Variants in CYFIP1 observed in about 807,000 individuals in gnomAD.
CYFIP1 encodes cytoplasmic FMR1 interacting protein 1.
CYFIP1 carries 58 observed loss-of-function variants against 163.5 expected under a neutral mutation model. That is an observed-to-expected ratio of 0.35 (90% CI 0.29 to 0.44). The LOEUF (loss-of-function observed/expected upper bound fraction) is 0.44, where lower values mean the gene tolerates loss of function less well. Ranked by LOEUF, CYFIP1 falls within the 20% of genes least tolerant of loss-of-function variation. The pLI is 1.00. For synonymous variants in CYFIP1, 663 were observed against 660.7 expected, an observed-to-expected ratio of 1.00 and a Z score of -0.05; for missense variants, 1,338 against 1,653.8, an observed-to-expected ratio of 0.81 and a Z score of 3.31.
intron 13 of CYFIP1, among the ~76,000 whole-genome samples, chr15:22,925,634 C>G (rs1421879035): frequency 1.3e-5 from 2 of 152,160 alleles, no homozygotes; most frequent in Non-Finnish European, 1.5e-5. Context: ...CATGGAAAGG[C>G]TCACGAGGGG....
intron 21 of CYFIP1, chr15:22,904,174 C>T (rs956936547): frequency 4.3e-5 from 23 of 533,694 alleles, no homozygotes; most frequent in East Asian, 2.9e-4. Flanking sequence ...GCAGCGTGCA[C>T]GTGTGGCCTG....
At chr15:22,934,473 C>T (rs1464684601) in intron 9 of CYFIP1, among the ~76,000 whole-genome samples, 9 of 142,744 alleles carry the variant, frequency 6.3e-5, no homozygotes, top group Non-Finnish European at 1.2e-4. Context: ...GCGTGAACCA[C>T]CGCACCCAGC....
intron 13 of CYFIP1, among the ~76,000 whole-genome samples, chr15:22,925,240 A>T (rs988394818): frequency 6.6e-6 from 1 of 152,138 alleles, no homozygotes; most frequent in East Asian, 1.9e-4. Context: ...TGAATATGAA[A>T]CTACAGTGGG....
chr15:22,923,217 C>T (rs2061246596), intron 13 of CYFIP1, among the ~76,000 whole-genome samples: 1 of 152,066 alleles, frequency 6.6e-6, no homozygotes, highest in Non-Finnish European at 1.5e-5. Flanking sequence ...AATCCTATGG[C>T]TGTAAGGAAC....
chr15:22,920,489 A>G (rs1369157523), intron 13 of CYFIP1, among the ~76,000 whole-genome samples: 6 of 152,126 alleles, frequency 3.9e-5, no homozygotes, highest in East Asian at 3.8e-4. Flanking sequence ...AGCCTGATTC[A>G]TGGGTAAATG....
At position 22,918,746 on chromosome 15, in the gene CYFIP1, G is replaced by A; in HGVS notation, c.1472C>T (p.Thr491Ile). The change falls in exon 14 of 31, where the codon ACC (threonine) becomes ATC (isoleucine). Residue 491 changes from threonine to isoleucine, a missense_variant. Thr to Ile is a moderately conservative substitution (Grantham distance 89, BLOSUM62 -1). This residue lies in a region of CYFIP1 where 824 missense variants were observed against 995.7 expected (regional missense o/e 0.83). Transcript: ENST00000617928. ...GGCCTGCCGCAGCGGCTCCCTAAGGGTCACCTGGGAGAAGTCCTGCAGTGC... is the reference window on the plus strand; with the variant it reads ...GGCCTGCCGCAGCGGCTCCCTAAGGATCACCTGGGAGAAGTCCTGCAGTGC... The part of the protein sequence containing the change: ...YAALQDFSQV[T>I]LREPLRQAIK... 1.2e-6 allele frequency: 2 copies of A among 1,613,388 alleles called. No individual in the cohort carries two copies. Among genetic ancestry groups the A allele is most frequent in the Non-Finnish European group, 1.7e-6 (2 of 1,179,800 alleles).
intron 16 of CYFIP1, chr15:22,915,223 T>TG (rs2060932105): frequency 5.2e-6 from 1 of 190,742 alleles, no homozygotes; most frequent in African/African-American, 2.3e-5. Context: ...CTTCAACTCC[T>TG]GGGCTCAAGC....
chr15:22,913,222 A>T (rs2060841708), intron 17 of CYFIP1, among the ~76,000 whole-genome samples: 1 of 150,026 alleles, frequency 6.7e-6, no homozygotes, highest in East Asian at 2.0e-4. Context: ...AAAAAGAATG[A>T]ACTGACTGGA....
rs1212982440 is a variant in CYFIP1 at position 22,867,248 on chromosome 15, G to GAGTT, written c.*2776_*2779dup. The GAGTT allele has an allele frequency of 2.5e-6, 1 of 403,708 alleles. No homozygotes were observed. The highest frequency in any genetic ancestry group is 4.4e-6 in the Non-Finnish European group (1 of 229,572). The allele number at this position is 403,708 out of a possible 1,614,324, so 25.0% of individuals were successfully genotyped here. A position where few individuals can be genotyped will look rare whatever the true frequency, so the allele number is the denominator to read the frequency against. On this transcript the variant is annotated 3_prime_UTR_variant, in exon 31 of 31. Coordinates refer to ENST00000617928, the MANE Select transcript of CYFIP1 (RefSeq NM_014608.6). ...AAGGCTTTTTTATTTTAAAAAAACA[G>GAGTT]AGTTATCCCAATACATTATCCTGTG... is the stretch of plus-strand genomic sequence containing the variant.
intron 1 of CYFIP1, among the ~76,000 whole-genome samples, chr15:22,947,755 G>A (rs2062109331): frequency 6.6e-6 from 1 of 152,186 alleles, no homozygotes; most frequent in African/African-American, 2.4e-5. Flanking sequence ...GGCCTGACAT[G>A]GAAAAGACGA....
In CYFIP1 at chr15:22,910,579, T is replaced by C; in HGVS notation, c.2209A>G (p.Thr737Ala). The change falls in exon 20 of 31, where the codon ACG (threonine) becomes GCG (alanine). Residue 737 changes from threonine to alanine, a missense_variant. Around this residue, in one of 4 missense-constraint regions of CYFIP1, gnomAD observed 824 missense variants for 995.7 expected, o/e 0.83. Transcript: ENST00000617928. ...LRSECKNQGA[T>A]IHLPPSNRYE... ...CGGTTAGACGGCGGGAGGTGGATCGTGGCTCCCTGATTCTTGCATTCTGAT... is the reference window on the plus strand; with the variant it reads ...CGGTTAGACGGCGGGAGGTGGATCGCGGCTCCCTGATTCTTGCATTCTGAT... 6.2e-7 allele frequency: 1 copy of C among 1,614,212 alleles called. No individual in the cohort carries two copies. The highest frequency in any genetic ancestry group is 1.3e-5 in the African/African-American group (1 of 75,066).
chr15:22,975,837 G>A (rs1490249583), intron 1 of CYFIP1, among the ~76,000 whole-genome samples: 1 of 152,148 alleles, frequency 6.6e-6, no homozygotes, highest in African/African-American at 2.4e-5. Context: ...CCAGCCAAAC[G>A]TATACTTAAA....
At chr15:22,895,454 A>G (rs1007401925) in intron 22 of CYFIP1, among the ~76,000 whole-genome samples, 16 of 152,246 alleles carry the variant, frequency 1.1e-4, no homozygotes, top group Admixed American at 9.2e-4. Flanking sequence ...CTCGGCCTCT[A>G]TATTTCTAAA....
chr15:22,920,242 G>A (rs1469879895), intron 13 of CYFIP1, among the ~76,000 whole-genome samples: 1 of 125,438 alleles, frequency 8.0e-6, no homozygotes, highest in Admixed American at 1.0e-4. Flanking sequence ...ATAGCTCACT[G>A]CAGCCTTGAA....
intron 1 of CYFIP1, among the ~76,000 whole-genome samples, chr15:22,957,730 G>C (rs557981930): frequency 6.6e-6 from 1 of 152,206 alleles, no homozygotes; most frequent in Non-Finnish European, 1.5e-5. Context: ...TTCTGCAAAC[G>C]TGCACAAGGC....
rs746705247 is a variant in CYFIP1 at position 22,875,211 on chromosome 15, C to A, written c.3103G>T (p.Val1035Phe). 2 of 1,614,026 alleles carry A rather than the reference C, an allele frequency of 1.2e-6. No individual in the cohort carries two copies. The highest frequency in any genetic ancestry group is 3.3e-5 in the Admixed American group (2 of 59,978). Residue 1035 changes from valine (V) to phenylalanine (F), a missense_variant, in exon 27 of 31, where the codon GTC becomes TTC. Transcript: ENST00000617928. ...AAPFQNILPR[V>F]HVKEGERLDA... ...TCAGCAGGCTCACCTTTCACATGGA[C>A]TCGCGGCAAGATGTTCTGGAAAGGA...
rs770353392 is a variant in CYFIP1, at chr15:22,939,183, C to T, written c.795+9G>A. On this transcript the variant is annotated intron_variant, in intron 8 of 30. Transcript: ENST00000617928. ...GCAGTGCCACGGGCTAGCGTCCCCA[C>T]ACACGTACTTTGAGAAGCATGTGTT... The T allele has an allele frequency of 6.2e-7, 1 of 1,614,060 alleles. No homozygotes were observed. Among genetic ancestry groups the T allele is most frequent in the African/African-American group, 1.3e-5 (1 of 74,938 alleles).
chr15:22,939,532 C>T, intron 6 of CYFIP1, 25 bp from the exon 7 acceptor site: 1 of 1,257,752 alleles, frequency 8.0e-7, no homozygotes, highest in African/African-American at 1.8e-5. Flanking sequence ...AGAATTCATC[C>T]CAAAATGCAC....
intron 1 of CYFIP1, chr15:22,951,367 T>G (rs1433920155): frequency 7.9e-7 from 1 of 1,260,382 alleles, no homozygotes; most frequent in South Asian, 1.3e-5. Flanking sequence ...AAAGGAGCAG[T>G]GCAGGGCAGC....
Sources: allele counts gnomAD v4.1 joint callset (sites outside exome capture counted in the v4.1 genomes callset), GRCh38; gene constraint gnomAD v4.1.1; regional missense constraint gnomAD v4.1.1; transcripts MANE v1.5; gene names NCBI Gene and HGNC (gene_info 2026-07-23, HGNC 2026-07-21).